EPS8: variants seen among roughly 807,000 people sequenced by gnomAD.
EPS8 encodes epidermal growth factor receptor kinase substrate 8.
A neutral mutation model predicts 103.8 loss-of-function variants in EPS8; 42 were observed. That is an observed-to-expected ratio of 0.40 (90% CI 0.32 to 0.52). The LOEUF is 0.52. Ranked by LOEUF, EPS8 falls within the 20% of genes least tolerant of loss-of-function variation. The pLI is 0.40. For missense variants in EPS8, 969 were observed against 1,005.1 expected (o/e 0.96, Z 0.49); for synonymous variants, 344 against 344.6 (o/e 1.00, Z 0.02).
At position 15,736,851 on chromosome 12, in the gene EPS8, G is replaced by A. The variant is rs73316913; in HGVS notation, c.-22+52310C>T. ...ATATTACAGCCCCAATAAACAGTAC[G>A]CATGATGATGAATTTACATTATGCT... On this transcript the variant is annotated intron_variant, in intron 1 of 20. Coordinates refer to ENST00000281172, the MANE Select transcript of EPS8 (RefSeq NM_004447.6). The surrounding 1 kb of genome is among the most constrained non-coding windows in gnomAD (Gnocchi z 4.2). Among the ~76,000 whole-genome samples the A allele has an allele frequency of 0.075, 11,345 of 151,976 alleles. 1,454 individuals are homozygous for A. The highest frequency in any genetic ancestry group is 0.26 in the African/African-American group (10,769 of 41,390).
intron 3 of EPS8, chr12:15,672,483 A>T (rs1945834099): frequency 2.5e-6 from 1 of 398,554 alleles, no homozygotes; most frequent in East Asian, 3.6e-5. Flanking sequence ...TGATGACCTG[A>T]GGAAGTATGA....
rs1332337329 is a variant in EPS8 at position 15,657,880 on chromosome 12, T to C, written c.1101+199A>G. The stretch of plus-strand genomic sequence containing the variant: ...TCAGAGATACCAGTTTCCTCAACTA[T>C]AAAATAAGGTGCTTAAACTAGATGA... On this transcript the variant is annotated intron_variant, in intron 12 of 20. Transcript: ENST00000281172. 7 of 521,668 alleles carry C rather than the reference T, an allele frequency of 1.3e-5. No homozygotes were observed. The East Asian group carries it at 1.8e-4, about 13-fold the overall frequency. The allele number at this position is 521,668 out of a possible 1,614,324, so 32.3% of individuals were successfully genotyped here.
chr12:15,662,670 GT>G, intron 8 of EPS8: 1 of 984,856 alleles, frequency 1.0e-6, no homozygotes, highest in Non-Finnish European at 1.2e-6. Context: ...AAAAATAAAT[GT>G]CTTAAGACCA....
intron 17 of EPS8, among the ~76,000 whole-genome samples, chr12:15,633,375 T>G (rs1945082603): frequency 6.6e-6 from 1 of 152,224 alleles, no homozygotes; most frequent in African/African-American, 2.4e-5. Context: ...GAAGGGCAAA[T>G]GAATTCTCAC....
At position 15,623,294 on chromosome 12, in the gene EPS8, A is replaced by G. The variant is rs778481672; in HGVS notation, c.2226-7T>C. On this transcript the variant is annotated splice_polypyrimidine_tract_variant and splice_region_variant and intron_variant, in intron 19 of 20. Coordinates refer to ENST00000281172, the MANE Select transcript of EPS8 (RefSeq NM_004447.6). ...TCCAAGACTATTGACAGTCCTAAAA[A>G]AAAAAAAAGGAAAAAGAAACTGAGC... The G allele has an allele frequency of 1.3e-6, 2 of 1,578,934 alleles. No homozygotes were observed. Among genetic ancestry groups the G allele is most frequent in the South Asian group, 2.4e-5 (2 of 84,706 alleles).
chr12:15,786,775 G>C (rs568982784), intron 1 of EPS8, among the ~76,000 whole-genome samples: 1 of 152,188 alleles, frequency 6.6e-6, no homozygotes, highest in African/African-American at 2.4e-5. Flanking sequence ...TAAAATGTTT[G>C]CAACTATTCC....
In EPS8 at chr12:15,717,445, G is replaced by T. The variant is rs1291805389; in HGVS notation, c.-21-34473C>A. 2.6e-5 allele frequency among the ~76,000 whole-genome samples: 4 copies of T among 152,084 alleles called. No individual in the cohort carries two copies. The highest frequency in any genetic ancestry group is 2.6e-4 in the Admixed American group (4 of 15,270). On this transcript the variant is annotated intron_variant, in intron 1 of 20. Transcript: ENST00000281172. The surrounding 1 kb of genome is among the most constrained non-coding windows in gnomAD (Gnocchi z 4.3). The stretch of plus-strand genomic sequence containing the variant: ...CTACTAAAAATACAAAAATTAGCTG[G>T]GCGCGGTGGCACGTGCCTGTAATCC...
intron 1 of EPS8, among the ~76,000 whole-genome samples, chr12:15,715,933 GATA>G (rs1400823344): frequency 6.6e-6 from 1 of 151,342 alleles, no homozygotes; most frequent in East Asian, 1.9e-4. Flanking sequence ...GTGAGAAGAG[GATA>G]ATAATATTAA....
chr12:15,638,746 G>A (rs1945179545), intron 17 of EPS8, among the ~76,000 whole-genome samples: 1 of 152,204 alleles, frequency 6.6e-6, no homozygotes, highest in Non-Finnish European at 1.5e-5. Context: ...AATAAAAGAT[G>A]AGGTTCTGTT....
rs535703601 is a variant in EPS8, at chr12:15,781,079, A to G, written c.-22+8082T>C. On this transcript the variant is annotated intron_variant, in intron 1 of 20. Coordinates refer to ENST00000281172, the MANE Select transcript of EPS8 (RefSeq NM_004447.6). This position sits in a 1 kb window ranked among gnomAD's most constrained non-coding sequence, Gnocchi z 4.1. ...AAAGAAATAACTAGCTAATGCTACC[A>G]TTATTTGCTTTATTTTGTCTAATTC... 1.3e-5 allele frequency among the ~76,000 whole-genome samples: 2 copies of G among 152,244 alleles called. No homozygotes were observed. Among genetic ancestry groups the G allele is most frequent in the South Asian group, 4.1e-4 (2 of 4,826 alleles).
chr12:15,645,903 G>A (rs1945312045), intron 15 of EPS8, among the ~76,000 whole-genome samples: 1 of 152,078 alleles, frequency 6.6e-6, no homozygotes, highest in Admixed American at 6.6e-5. Context: ...CTTAGCTGTG[G>A]AAAATCATCT....
chr12:15,663,517 G>C (rs1945644224), intron 8 of EPS8, among the ~76,000 whole-genome samples: 1 of 152,152 alleles, frequency 6.6e-6, no homozygotes, highest in African/African-American at 2.4e-5. Context: ...TGGTAAATTA[G>C]AAGTTCTGAA....
In EPS8 at chr12:15,725,622, T is replaced by C. The variant is rs1221680083; in HGVS notation, c.-21-42650A>G. On this transcript the variant is annotated intron_variant, in intron 1 of 20. Transcript: ENST00000281172. The surrounding 1 kb of genome is among the most constrained non-coding windows in gnomAD (Gnocchi z 4.5). ...GACACAATGGGTCTTCATCATATGG[T>C]GATTCACTCACCACCACAGTATCAA... 6.6e-6 allele frequency among the ~76,000 whole-genome samples: 1 copy of C among 152,164 alleles called. No homozygotes were observed. The highest frequency in any genetic ancestry group is 6.5e-5 in the Admixed American group (1 of 15,268).
Position 15,670,870 on chromosome 12 carries a change from G to T in EPS8, c.190C>A (p.Gln64Lys). The T allele has an allele frequency of 6.2e-7, 1 of 1,610,072 alleles. No homozygotes were observed. The highest frequency in any genetic ancestry group is 8.5e-7 in the Non-Finnish European group (1 of 1,176,890). ...DSVSSVSDIS[Q>K]YRVEHLTTFV... Reference sequence around the variant, plus strand: ...AAGCATCTTACTTCAACACGGTATTGAGATATATCTGACACACTGCTGACA... The same window carrying T: ...AAGCATCTTACTTCAACACGGTATTTAGATATATCTGACACACTGCTGACA... The change falls in exon 4 of 21, where the codon CAA becomes AAA. Residue 64 changes from glutamine to lysine, a missense_variant. Gln to Lys is a moderately conservative substitution (Grantham distance 53, BLOSUM62 1). Transcript: ENST00000281172.
chr12:15,694,717 T>C (rs1250279581), intron 1 of EPS8, among the ~76,000 whole-genome samples: 1 of 152,136 alleles, frequency 6.6e-6, no homozygotes, highest in Non-Finnish European at 1.5e-5. Flanking sequence ...GAAACTCTCT[T>C]CTTGAGAGTT....
At position 15,763,956 on chromosome 12, in the gene EPS8, G is replaced by A. The variant is rs144666987; in HGVS notation, c.-22+25205C>T. Reference sequence around the variant, plus strand: ...TTCATTCACAACAATATTCGGCATGGTATTCACACAAAGCTGGAATTTGAA... The same window carrying A: ...TTCATTCACAACAATATTCGGCATGATATTCACACAAAGCTGGAATTTGAA... On this transcript the variant is annotated intron_variant, in intron 1 of 20. Transcript: ENST00000281172. Among the ~76,000 whole-genome samples the A allele has an allele frequency of 7.9e-5, 12 of 152,264 alleles. No homozygotes were observed. In the East Asian group the frequency reaches 2.3e-3, roughly 29 times the overall value.
chr12:15,691,714 T>C (rs1412522118), intron 1 of EPS8, among the ~76,000 whole-genome samples: 1 of 152,204 alleles, frequency 6.6e-6, no homozygotes, highest in East Asian at 1.9e-4. Flanking sequence ...AGAGGACGAA[T>C]TACAGATACA....
rs906383973 is a variant in EPS8, at chr12:15,650,922, C to T, written c.1335G>A (p.Met445Ile). Residue 445 changes from methionine (M) to isoleucine (I), a missense_variant, in exon 14 of 21, where the codon ATG (methionine) becomes ATA (isoleucine). Coordinates refer to ENST00000281172, the MANE Select transcript of EPS8 (RefSeq NM_004447.6). The part of the protein sequence containing the change: ...NGWEPPMLNF[M>I]GATMEQDLYQ... ...AAAGATCTTGTTCCATTGTGGCTCC[C>T]ATAAAGTTCAGCATTGGGGGCTCCC... The T allele has an allele frequency of 6.2e-7, 1 of 1,614,110 alleles. No individual in the cohort carries two copies. The highest frequency in any genetic ancestry group is 8.5e-7 in the Non-Finnish European group (1 of 1,179,994).
intron 1 of EPS8, among the ~76,000 whole-genome samples, chr12:15,687,747 G>A (rs1412594539): frequency 6.6e-6 from 1 of 152,170 alleles, no homozygotes; most frequent in Non-Finnish European, 1.5e-5. Flanking sequence ...TCCAGTTCTT[G>A]TCTATTCCCT....
Sources: allele counts gnomAD v4.1 joint callset (sites outside exome capture counted in the v4.1 genomes callset), GRCh38; gene constraint gnomAD v4.1.1; non-coding constraint Gnocchi (gnomAD v3.1); transcripts MANE v1.5; gene names NCBI Gene and HGNC (gene_info 2026-07-23, HGNC 2026-07-21).